PTPRS: variants seen among roughly 807,000 people sequenced by gnomAD.
PTPRS encodes protein tyrosine phosphatase receptor type S.
PTPRS carries 63 observed loss-of-function variants against 215.3 expected under a neutral mutation model. The observed-to-expected ratio is 0.29, with a 90% CI of 0.24 to 0.36. The LOEUF (loss-of-function observed/expected upper bound fraction) is 0.36, where lower values mean the gene tolerates loss of function less well. Among genes scored for constraint, PTPRS ranks in the 10% least tolerant of loss-of-function variants. PTPRS has a pLI of 1.00. For synonymous variants in PTPRS, 1,404 were observed against 1,191.4 expected (o/e 1.18, Z -3.68); for missense variants, 2,258 against 2,825.8 (o/e 0.80, Z 4.56).
intron 1 of PTPRS, among the ~76,000 whole-genome samples, chr19:5,321,517 C>A (rs1455919712): frequency 1.3e-5 from 2 of 152,156 alleles, no homozygotes; most frequent in Non-Finnish European, 2.9e-5. Flanking sequence ...AAACCCTGAC[C>A]CAGATCGACT....
intron 2 of PTPRS, among the ~76,000 whole-genome samples, chr19:5,279,229 T>C (rs963440577): frequency 1.3e-5 from 2 of 152,052 alleles, no homozygotes; most frequent in Non-Finnish European, 2.9e-5. Context: ...TGTATGTATG[T>C]GTAGAAACAG....
At chr19:5,214,761 G>C in intron 28 of PTPRS, 25 bp from the exon 29 acceptor site, 1 of 1,582,396 alleles carries the variant, frequency 6.3e-7, no homozygotes, top group Non-Finnish European at 8.6e-7. Flanking sequence ...AGAGGCCAGG[G>C]ATCTGTGGGG....
In PTPRS at chr19:5,214,475, C is replaced by T. The variant is rs61729768; in HGVS notation, c.4500G>A (p.Lys1500=). 15,400 of 1,614,124 alleles carry T rather than the reference C, an allele frequency of 9.5e-3. 1,237 individuals are homozygous for T. The African/African-American group carries it at 0.18, about 19-fold the overall frequency. The change falls in exon 30 of 38, where the codon AAG becomes AAA. Residue 1500 remains lysine (K), a synonymous_variant. Coordinates refer to ENST00000262963, the MANE Select transcript of PTPRS (RefSeq NM_002850.4). ...MTRLEEKSRI[K]CDQYWPNRGT... ...CTCTGTTGGGCCAATACTGATCACA[C>T]TTGATCTGTATCGGGCAAGAGAACA...
intron 18 of PTPRS, 105 bp from the exon 19 acceptor site, chr19:5,222,325 CCT>C (rs1004656684): frequency 6.3e-5 from 60 of 950,986 alleles, no homozygotes; most frequent in Non-Finnish European, 9.9e-6. Flanking sequence ...CCAGGCGCTC[CCT>C]GTCGTCCGCT....
intron 1 of PTPRS, among the ~76,000 whole-genome samples, chr19:5,302,775 C>T (rs368799193): frequency 6.6e-5 from 10 of 151,986 alleles, no homozygotes; most frequent in Admixed American, 4.6e-4. Context: ...AACCATGGCT[C>T]GGCCAGGCGT....
intron 17 of PTPRS, among the ~76,000 whole-genome samples, chr19:5,223,560 ATTTTTTTT>A (rs35490567): frequency 1.5e-5 from 2 of 129,064 alleles, no homozygotes; most frequent in African/African-American, 6.0e-5. Flanking sequence ...TGCGGTTGTG[ATTTTTTTT>A]TTTTTTTTTT....
At chr19:5,297,621 G>A (rs1036071506) in intron 1 of PTPRS, among the ~76,000 whole-genome samples, 1 of 152,100 alleles carries the variant, frequency 6.6e-6, no homozygotes, top group Admixed American at 6.5e-5. Context: ...TGCAAAAACT[G>A]GGGGGTCCCT....
In PTPRS at chr19:5,225,652, G is replaced by A; in HGVS notation, c.2494+75C>T. 3 of 1,277,236 alleles carry A rather than the reference G, an allele frequency of 2.3e-6. No individual in the cohort carries two copies. In the South Asian group the frequency reaches 3.6e-5, roughly 15 times the overall value. The allele number at this position is 1,277,236 out of a possible 1,614,324, so 79.1% of individuals were successfully genotyped here. ...CTCTGCCTGCCCTTGTGAGCTCAAG[G>A]ACTCTGGAGTCACGCTCTGGTGCCA... On this transcript the variant is annotated intron_variant, in intron 17 of 37. Coordinates refer to ENST00000262963, the MANE Select transcript of PTPRS (RefSeq NM_002850.4).
At position 5,222,131 on chromosome 19, in the gene PTPRS, G is replaced by C. The variant is rs141765312; in HGVS notation, c.3193C>G (p.Pro1065Ala). 14 of 1,613,170 alleles carry C rather than the reference G, an allele frequency of 8.7e-6. No homozygotes were observed. Among genetic ancestry groups the C allele is most frequent in the Non-Finnish European group, 1.2e-5 (14 of 1,179,428 alleles). ...EFPDNYNSPT[P>A]YKIQYNGLTL... Reference sequence around the variant, plus strand: ...TGGCTGGGCAGTCGCACCTTGTAGGGTGTGGGTGAGTTGTAGTTGTCAGGG... The same window carrying C: ...TGGCTGGGCAGTCGCACCTTGTAGGCTGTGGGTGAGTTGTAGTTGTCAGGG... The change falls in exon 19 of 38, where the codon CCC becomes GCC. Residue 1065 changes from proline (P) to alanine (A), a missense_variant. This residue lies in a region of PTPRS where 361 missense variants were observed against 332.6 expected (regional missense o/e 1.09). Coordinates refer to ENST00000262963, the MANE Select transcript of PTPRS (RefSeq NM_002850.4).
chr19:5,228,229 C>T (rs1310013609), intron 16 of PTPRS, among the ~76,000 whole-genome samples: 1 of 151,480 alleles, frequency 6.6e-6, no homozygotes, highest in South Asian at 2.1e-4. Flanking sequence ...CCTGTAATCC[C>T]AGCCACTCGG....
chr19:5,249,421 G>A (rs908315598), intron 9 of PTPRS, among the ~76,000 whole-genome samples: 3 of 152,150 alleles, frequency 2.0e-5, no homozygotes, highest in African/African-American at 2.4e-5. Flanking sequence ...AGAGGCAAAC[G>A]TCCTTATGCT....
At chr19:5,309,395 G>A (rs1027111337) in intron 1 of PTPRS, among the ~76,000 whole-genome samples, 5 of 152,158 alleles carry the variant, frequency 3.3e-5, no homozygotes, top group Non-Finnish European at 5.9e-5. Flanking sequence ...AGTGCTTGAC[G>A]CATATTAACT....
intron 1 of PTPRS, among the ~76,000 whole-genome samples, chr19:5,303,954 A>AAAAAAAAAAAAAAATAAT: frequency 7.6e-6 from 1 of 132,254 alleles, no homozygotes; most frequent in African/African-American, 3.1e-5. Context: ...CTGTCTCAAA[A>AAAAAAAAAAAAAAATAAT]AATAATAATA....
At chr19:5,247,252 G>A (rs938508985) in intron 9 of PTPRS, among the ~76,000 whole-genome samples, 1 of 151,634 alleles carries the variant, frequency 6.6e-6, no homozygotes. Flanking sequence ...GAACTTGAAC[G>A]TTGAGAGAAC....
intron 11 of PTPRS, 86 bp from the exon 12 acceptor site, chr19:5,240,418 G>A: frequency 7.5e-7 from 1 of 1,340,892 alleles, no homozygotes; most frequent in Admixed American, 3.1e-5. Context: ...CCCACTAAAA[G>A]ATGCCAGCTC....
At chr19:5,273,167 T>G in intron 4 of PTPRS, 1 of 489,620 alleles carries the variant, frequency 2.0e-6, no homozygotes, top group Non-Finnish European at 3.7e-6. Context: ...CCCATCTGAG[T>G]TGGATCAGCC....
intron 1 of PTPRS, among the ~76,000 whole-genome samples, chr19:5,320,398 G>C (rs1262371102): frequency 6.6e-6 from 1 of 152,230 alleles, no homozygotes; most frequent in Non-Finnish European, 1.5e-5. Flanking sequence ...CCAGTGTAGG[G>C]ACAAGCCTGA....
chr19:5,314,356 G>A (rs2049805655), intron 1 of PTPRS, among the ~76,000 whole-genome samples: 1 of 152,056 alleles, frequency 6.6e-6, no homozygotes, highest in African/African-American at 2.4e-5. Flanking sequence ...CCTCCTCTTA[G>A]CTGTGCAGCC....
chr19:5,302,307 G>C (rs2049326302), intron 1 of PTPRS, among the ~76,000 whole-genome samples: 1 of 152,120 alleles, frequency 6.6e-6, no homozygotes, highest in South Asian at 2.1e-4. Flanking sequence ...GAGGTTGCAG[G>C]TGAGCTAAGA....
Sources: allele counts gnomAD v4.1 joint callset (sites outside exome capture counted in the v4.1 genomes callset), GRCh38; gene constraint gnomAD v4.1.1; regional missense constraint gnomAD v4.1.1; transcripts MANE v1.5; gene names NCBI Gene and HGNC (gene_info 2026-07-23, HGNC 2026-07-21).